Variants in KIF21A observed in about 807,000 individuals in gnomAD.
KIF21A encodes the protein kinesin family member 21A.
In KIF21A, 114 loss-of-function variants were observed where a neutral mutation model predicts 202.9. That is an observed-to-expected ratio of 0.56 (90% CI 0.48 to 0.66). KIF21A has a LOEUF of 0.66. Among genes scored for constraint, KIF21A ranks in the 30% least tolerant of loss-of-function variants. The pLI is 0.00. For missense variants in KIF21A, 1,677 were observed against 1,994.9 expected (o/e 0.84, Z 3.04); for synonymous variants, 667 against 670.8 (o/e 0.99, Z 0.09).
intron 33 of KIF21A, among the ~76,000 whole-genome samples, chr12:39,308,043 G>C (rs970801697): frequency 2.0e-5 from 3 of 151,920 alleles, no homozygotes; most frequent in African/African-American, 7.3e-5. Flanking sequence ...TTTCAGAAAA[G>C]ATTAGATTTT....
chr12:39,409,307 C>T (rs1952877423), intron 1 of KIF21A, among the ~76,000 whole-genome samples: 1 of 150,626 alleles, frequency 6.6e-6, no homozygotes, highest in Non-Finnish European at 1.5e-5. Flanking sequence ...ATTGCTTGAG[C>T]CCAGGAGTTC....
chr12:39,385,410 C>G (rs1431130454), intron 1 of KIF21A, among the ~76,000 whole-genome samples: 1 of 152,182 alleles, frequency 6.6e-6, no homozygotes. Context: ...ATAAGCCCAA[C>G]TACCCAAATT....
chr12:39,320,075 A>G (rs1274422192), intron 27 of KIF21A, 62 bp from the exon 28 acceptor site: 1 of 908,654 alleles, frequency 1.1e-6, no homozygotes, highest in Non-Finnish European at 1.8e-6. Context: ...ACTTTGGTAG[A>G]TAGTCAATCT....
chr12:39,355,258 T>C (rs1338271738), intron 10 of KIF21A, among the ~76,000 whole-genome samples: 1 of 152,176 alleles, frequency 6.6e-6, no homozygotes, highest in Non-Finnish European at 1.5e-5. Context: ...TAGATGCTGC[T>C]TTTAGCCACC....
Position 39,351,878 on chromosome 12 carries a change from AG to A in KIF21A, c.1571del (p.Ser524PhefsTer15). ...APYFSGSSTF[S>X]PTILSSDKET... ...CTTTGTCTGAGGATAGTATGGTAGG[AG>A]AAAAAGTTGATGATCCGCTGAAATA... On this transcript the variant is annotated frameshift_variant, in exon 11 of 38. Transcript: ENST00000361418. LOFTEE classifies it high-confidence loss of function. The A allele has an allele frequency of 6.2e-7, 1 of 1,612,744 alleles. No homozygotes were observed. The highest frequency in any genetic ancestry group is 8.5e-7 in the Non-Finnish European group (1 of 1,178,944).
intron 37 of KIF21A, among the ~76,000 whole-genome samples, chr12:39,300,288 T>C (rs1263656775): frequency 2.0e-5 from 3 of 152,126 alleles, no homozygotes; most frequent in Non-Finnish European, 4.4e-5. Context: ...ACACAATAAG[T>C]TTCCAAGGAA....
chr12:39,396,204 A>C (rs960394218), intron 1 of KIF21A, among the ~76,000 whole-genome samples: 1 of 152,142 alleles, frequency 6.6e-6, no homozygotes, highest in African/African-American at 2.4e-5. Context: ...TGCCCTTTAA[A>C]AATCCTATGG....
chr12:39,341,887 C>A, intron 13 of KIF21A, 147 bp downstream of exon 13: 1 of 714,554 alleles, frequency 1.4e-6, no homozygotes, highest in Non-Finnish European at 2.5e-6. Context: ...TAGCTTGTAT[C>A]TCTGAAGAAA....
rs761907530 is a variant in KIF21A, at chr12:39,332,270, T to C, written c.2995A>G (p.Ile999Val). Reference sequence around the variant, plus strand: ...TGACAATCAGAAATACTGTCATTGATGTAATCGATATTAGCAGTCAGTGAC... The same window carrying C: ...TGACAATCAGAAATACTGTCATTGACGTAATCGATATTAGCAGTCAGTGAC... ...MESLTANIDY[I>V]NDSISDCQAN... The change falls in exon 21 of 38, where the codon ATC (isoleucine) becomes GTC (valine). Residue 999 changes from isoleucine to valine, a missense_variant. Physicochemically the swap from Ile to Val is conservative, Grantham distance 29 (BLOSUM62 3). This residue lies in a region of KIF21A where 6 missense variants were observed against 22.1 expected (regional missense o/e 0.27). Transcript: ENST00000361418. 3.7e-6 allele frequency: 6 copies of C among 1,613,856 alleles called. No individual in the cohort carries two copies. In the African/African-American group the frequency reaches 4.0e-5, roughly 11 times the overall value.
In KIF21A at chr12:39,443,071, G is replaced by A; in HGVS notation, c.-101C>T. On this transcript the variant is annotated 5_prime_UTR_variant, in exon 1 of 38. Coordinates refer to ENST00000361418, the MANE Select transcript of KIF21A (RefSeq NM_001173464.2). ...GGGCGCAGTAGGCTGGGGCGTCTGC[G>A]GGCGGGCGGCCGGCTCACCTCCGCC... is the stretch of plus-strand genomic sequence containing the variant. The A allele has an allele frequency of 1.6e-6, 2 of 1,249,760 alleles. No homozygotes were observed. The highest frequency in any genetic ancestry group is 3.5e-5 in the South Asian group (2 of 57,646). The allele number at this position is 1,249,760 out of a possible 1,614,324, so 77.4% of individuals were successfully genotyped here.
intron 1 of KIF21A, among the ~76,000 whole-genome samples, chr12:39,432,100 T>G (rs77198622): frequency 1.3e-5 from 2 of 152,102 alleles, no homozygotes; most frequent in Non-Finnish European, 2.9e-5. Flanking sequence ...TGAACTGAGG[T>G]GAAAGCAAGC....
intron 1 of KIF21A, among the ~76,000 whole-genome samples, chr12:39,374,597 T>C (rs907338546): frequency 1.3e-5 from 2 of 152,168 alleles, no homozygotes; most frequent in African/African-American, 4.8e-5. Flanking sequence ...ATATATCTTA[T>C]TCATTCCTAA....
intron 8 of KIF21A, 120 bp from the exon 9 acceptor site, chr12:39,357,557 C>T: frequency 2.5e-6 from 2 of 808,368 alleles, no homozygotes; most frequent in Non-Finnish European, 4.2e-6. Flanking sequence ...CTTACCAACC[C>T]CAAGGCAAAA....
chr12:39,374,354 C>A (rs981946853), intron 1 of KIF21A, among the ~76,000 whole-genome samples: 3 of 152,216 alleles, frequency 2.0e-5, no homozygotes, highest in Admixed American at 6.5e-5. Flanking sequence ...AAAATAAGAT[C>A]ATTAAACACA....
At chr12:39,334,660 T>C (rs2138198945) in intron 17 of KIF21A, among the ~76,000 whole-genome samples, 1 of 152,338 alleles carries the variant, frequency 6.6e-6, no homozygotes, top group South Asian at 2.1e-4. Context: ...TTATATGGTA[T>C]ATAAATGTCA....
At chr12:39,412,343 A>C (rs1953169003) in intron 1 of KIF21A, among the ~76,000 whole-genome samples, 1 of 152,208 alleles carries the variant, frequency 6.6e-6, no homozygotes, top group African/African-American at 2.4e-5. Flanking sequence ...AGTCACTAAG[A>C]ATAATGACCC....
intron 1 of KIF21A, among the ~76,000 whole-genome samples, chr12:39,404,083 C>A (rs1952387841): frequency 6.6e-6 from 1 of 151,954 alleles, no homozygotes; most frequent in Non-Finnish European, 1.5e-5. Flanking sequence ...TATTTTTATT[C>A]ATTCATTTTA....
intron 1 of KIF21A, among the ~76,000 whole-genome samples, chr12:39,422,332 AT>A (rs1287132006): frequency 2.6e-5 from 4 of 151,968 alleles, no homozygotes; most frequent in Non-Finnish European, 5.9e-5. Flanking sequence ...AAATAGAAAA[AT>A]TTTTTCTACA....
chr12:39,400,396 G>T (rs951008571), intron 1 of KIF21A, among the ~76,000 whole-genome samples: 1 of 152,074 alleles, frequency 6.6e-6, no homozygotes, highest in Non-Finnish European at 1.5e-5. Context: ...TAGGTATTAA[G>T]CCCAGCATCC....
Sources: allele counts gnomAD v4.1 joint callset (sites outside exome capture counted in the v4.1 genomes callset), GRCh38; gene constraint gnomAD v4.1.1; regional missense constraint gnomAD v4.1.1; transcripts MANE v1.5; gene names NCBI Gene and HGNC (gene_info 2026-07-23, HGNC 2026-07-21).